Variants in CNGB3 observed in about 807,000 individuals in gnomAD.
CNGB3 encodes the protein cyclic nucleotide-gated channel beta-3.
CNGB3 carries 86 observed loss-of-function variants against 92.8 expected under a neutral mutation model. The observed-to-expected ratio is 0.93, with a 90% confidence interval of 0.78 to 1.11. The LOEUF (loss-of-function observed/expected upper bound fraction) is 1.11. CNGB3 is among the 50% of genes least tolerant of loss of function. The pLI is 0.00. For synonymous variants in CNGB3, 333 were observed against 332.7 expected (o/e 1.00, Z -0.01); for missense variants, 1,026 against 956.8 (o/e 1.07, Z -0.95).
chr8:86,643,344 T>C (rs1372175), intron 10 of CNGB3, among the ~76,000 whole-genome samples: 89,267 of 151,004 alleles, frequency 0.59, 27,220 homozygotes, highest in East Asian at 0.79. Context: ...TTTGAAACTA[T>C]AGTCACCCTA....
At chr8:86,577,364 T>C (rs1172409070) in intron 17 of CNGB3, among the ~76,000 whole-genome samples, 1 of 152,244 alleles carries the variant, frequency 6.6e-6, no homozygotes, top group East Asian at 1.9e-4. Context: ...ATTTGTGATC[T>C]ATAGTAATTG....
chr8:86,703,669 G>A (rs951545648), intron 3 of CNGB3, among the ~76,000 whole-genome samples: 1 of 152,120 alleles, frequency 6.6e-6, no homozygotes, highest in Non-Finnish European at 1.5e-5. Context: ...CCATGCTTTT[G>A]TTCGGCAGCC....
chr8:86,708,595 T>A (rs1248808630), intron 3 of CNGB3, among the ~76,000 whole-genome samples: 3 of 140,860 alleles, frequency 2.1e-5, no homozygotes, highest in Non-Finnish European at 4.6e-5. Context: ...TGAGTCAGGG[T>A]CTCACTCTGT....
At chr8:86,741,756 T>G (rs1825346495) in intron 1 of CNGB3, among the ~76,000 whole-genome samples, 1 of 152,186 alleles carries the variant, frequency 6.6e-6, no homozygotes, top group Non-Finnish European at 1.5e-5. Context: ...GCATGGGATA[T>G]ACCTAAGGGG....
chr8:86,658,798 G>A lies in CNGB3; in HGVS notation c.853-4736C>T, dbSNP rs893329105. ...TGCAACTTGGCCAGCTGCTCTTTGAGCTCACCATTCTGGAAGACTGCATGA... is the reference window on the plus strand; with the variant it reads ...TGCAACTTGGCCAGCTGCTCTTTGAACTCACCATTCTGGAAGACTGCATGA... On this transcript the variant is annotated intron_variant, in intron 6 of 17. Coordinates refer to ENST00000320005, the MANE Select transcript of CNGB3 (RefSeq NM_019098.5). 1.6e-5 allele frequency: 9 copies of A among 547,512 alleles called. 1 individual carries two copies. In the South Asian group the frequency reaches 1.9e-4, roughly 11 times the overall value. The allele number at this position is 547,512 out of a possible 1,614,324, so 33.9% of individuals were successfully genotyped here.
rs191117650 is a variant in CNGB3, at chr8:86,737,420, A to G, written c.211+2235T>C. Among the ~76,000 whole-genome samples, 314 of 152,286 alleles carry G rather than the reference A, an allele frequency of 2.1e-3. 2 individuals carry two copies. The highest frequency in any genetic ancestry group is 7.2e-3 in the African/African-American group (301 of 41,558). ...TAAAATTCAATTATTTTCTTCATAT[A>G]GGTTCTTTCCTTTTCTCCTAAATAG... On this transcript the variant is annotated intron_variant, in intron 2 of 17. Coordinates refer to ENST00000320005, the MANE Select transcript of CNGB3 (RefSeq NM_019098.5).
At chr8:86,615,344 C>A (rs529777992) in intron 13 of CNGB3, among the ~76,000 whole-genome samples, 1 of 152,086 alleles carries the variant, frequency 6.6e-6, no homozygotes, top group Non-Finnish European at 1.5e-5. Flanking sequence ...GTGGCTCACA[C>A]CTGTAATCCC....
intron 3 of CNGB3, among the ~76,000 whole-genome samples, chr8:86,690,390 C>T (rs1389099017): frequency 6.6e-6 from 1 of 152,172 alleles, no homozygotes; most frequent in Non-Finnish European, 1.5e-5. Flanking sequence ...ATATCCTTCG[C>T]CCACTTTTTG....
intron 15 of CNGB3, among the ~76,000 whole-genome samples, chr8:86,588,771 T>C (rs905371461): frequency 7.3e-5 from 11 of 151,674 alleles, no homozygotes; most frequent in Admixed American, 5.3e-4. Flanking sequence ...TGCATCAATG[T>C]TCATCAAGGA....
intron 3 of CNGB3, among the ~76,000 whole-genome samples, chr8:86,712,585 T>TA (rs1824768848): frequency 6.6e-6 from 1 of 152,134 alleles, no homozygotes; most frequent in Admixed American, 6.6e-5. Flanking sequence ...CTTAATATAC[T>TA]ATATTTTTAT....
At chr8:86,605,480 A>G (rs1822395551) in intron 14 of CNGB3, among the ~76,000 whole-genome samples, 1 of 152,232 alleles carries the variant, frequency 6.6e-6, no homozygotes, top group Admixed American at 6.5e-5. Context: ...CATTAATACA[A>G]TAAATTCACT....
intron 6 of CNGB3, among the ~76,000 whole-genome samples, chr8:86,662,102 A>T (rs1770877500): frequency 6.6e-6 from 1 of 152,224 alleles, no homozygotes; most frequent in South Asian, 2.1e-4. Flanking sequence ...AAAGCTGAGC[A>T]TGGGGCGCCA....
At position 86,722,048 on chromosome 8, in the gene CNGB3, T is replaced by C. The variant is rs115152324; in HGVS notation, c.338+4483A>G. On this transcript the variant is annotated intron_variant, in intron 3 of 17. Transcript: ENST00000320005. ...GAAATAACCTTCCTTCTCAGTATTA[T>C]GAGTAACAATGGTGATGAAAAGCCA... Among the ~76,000 whole-genome samples the C allele has an allele frequency of 5.0e-3, 759 of 152,274 alleles. 4 individuals are homozygous for C. The highest frequency in any genetic ancestry group is 0.017 in the African/African-American group (718 of 41,562).
At chr8:86,654,538 TC>T (rs1823466987) in intron 6 of CNGB3, among the ~76,000 whole-genome samples, 1 of 152,178 alleles carries the variant, frequency 6.6e-6, no homozygotes, top group Non-Finnish European at 1.5e-5. Context: ...TAAACGGTAA[TC>T]TATCTGAGGA....
chr8:86,677,945 T>C (rs564850756), intron 3 of CNGB3, among the ~76,000 whole-genome samples: 7 of 152,234 alleles, frequency 4.6e-5, no homozygotes, highest in Non-Finnish European at 1.0e-4. Flanking sequence ...CAAACTTTGC[T>C]AGATTCCTTT....
chr8:86,618,764 C>T (rs1822666933), intron 13 of CNGB3, among the ~76,000 whole-genome samples: 1 of 152,226 alleles, frequency 6.6e-6, no homozygotes, highest in Admixed American at 6.5e-5. Context: ...TCACTGTAGT[C>T]TCACTCTCAC....
intron 4 of CNGB3, among the ~76,000 whole-genome samples, chr8:86,668,921 AG>A (rs1403053516): frequency 4.6e-5 from 7 of 152,166 alleles, no homozygotes; most frequent in Admixed American, 2.0e-4. Context: ...CTGAAGGCTG[AG>A]GCAAGAGGAT....
chr8:86,611,823 A>T (rs1822528463), intron 13 of CNGB3, 152 bp from the exon 14 acceptor site: 2 of 645,708 alleles, frequency 3.1e-6, no homozygotes, highest in Admixed American at 2.9e-5. Context: ...TCATGACTCA[A>T]AATTTAGAAA....
rs572493771 is a variant in CNGB3 at position 86,687,438 on chromosome 8, G to T, written c.339-16340C>A. 4.6e-5 allele frequency among the ~76,000 whole-genome samples: 7 copies of T among 152,068 alleles called. No homozygotes were observed. In the South Asian group the frequency reaches 8.3e-4, roughly 18 times the overall value. ...TAAGTGAAAGAAGCTAGACACAAAA[G>T]GCCATATATGGTATGATTTCATTCA... On this transcript the variant is annotated intron_variant, in intron 3 of 17. Transcript: ENST00000320005.
Sources: allele counts gnomAD v4.1 joint callset (sites outside exome capture counted in the v4.1 genomes callset), GRCh38; gene constraint gnomAD v4.1.1; transcripts MANE v1.5; gene names NCBI Gene and HGNC (gene_info 2026-07-23, HGNC 2026-07-21).